The following CCNH variants were observed in gnomAD, a reference collection of about 807,000 sequenced individuals.
The protein encoded by CCNH is cyclin H.
In CCNH, 31 loss-of-function variants were observed where a neutral mutation model predicts 41.9. The ratio of observed to expected loss-of-function variants is 0.74; its 90% CI spans 0.56 to 1.00. The LOEUF is 1.00. CCNH is among the 50% of genes least tolerant of loss of function. The pLI, the probability that CCNH is intolerant of heterozygous loss-of-function variation, is 0.00. For missense variants in CCNH, 362 were observed against 388.4 expected (o/e 0.93, Z 0.57); for synonymous variants, 138 against 136.1 (o/e 1.01, Z -0.10).
At chr5:87,376,888 T>G in exon 1 of CCNH, 1 of 1,604,818 alleles carries the variant, frequency 6.2e-7, no homozygotes, top group Non-Finnish European at 8.5e-7. Flanking sequence ...TAGCTTATAC[T>G]GCAAAAGGAA....
At chr5:87,405,516 A>C (rs541055581) in intron 4 of CCNH, among the ~76,000 whole-genome samples, 1 of 152,226 alleles carries the variant, frequency 6.6e-6, no homozygotes, top group South Asian at 2.1e-4. Flanking sequence ...ATAAACTATA[A>C]ATCCTAAGTC....
chr5:87,409,172 TGTATTAGGAAG>T, intron 3 of CCNH, 107 bp downstream of exon 3: 1 of 483,260 alleles, frequency 2.1e-6, no homozygotes. Flanking sequence ...TAAATTACCC[TGTATTAGGAAG>T]TCAGTTCTCT....
upstream of CCNH, among the ~76,000 whole-genome samples, chr5:87,382,024 T>A (rs1761752351): frequency 6.6e-6 from 1 of 152,140 alleles, no homozygotes; most frequent in Non-Finnish European, 1.5e-5. Context: ...TGATTTCGGC[T>A]TACTGCAACC....
chr5:87,316,688 T>G (rs553142990), downstream of CCNH, among the ~76,000 whole-genome samples: 24 of 152,126 alleles, frequency 1.6e-4, no homozygotes, highest in Non-Finnish European at 3.2e-4. Flanking sequence ...AGCATCCCTG[T>G]TTTGGGGGAA....
Position 87,358,243 on chromosome 5 carries a change from A to G in CCNH, c.*90+34527T>C, listed in dbSNP as rs114303697. On this transcript the variant is annotated intron_variant and NMD_transcript_variant, in intron 9 of 9. Coordinates refer to the CCNH transcript ENST00000645953. Reference sequence around the variant, plus strand: ...CACTTTTTGAGGCAAGCATTAGACAAAAAGGGTCCTTTTGAGACAATATAC... The same window carrying G: ...CACTTTTTGAGGCAAGCATTAGACAGAAAGGGTCCTTTTGAGACAATATAC... 2.9e-3 allele frequency among the ~76,000 whole-genome samples: 447 copies of G among 152,314 alleles called. 1 individual carries two copies. The highest frequency in any genetic ancestry group is 0.01 in the African/African-American group (426 of 41,576).
downstream of CCNH, among the ~76,000 whole-genome samples, chr5:87,372,893 G>T (rs1374305032): frequency 6.6e-6 from 1 of 152,110 alleles, no homozygotes; most frequent in East Asian, 1.9e-4. Flanking sequence ...TTAACATACT[G>T]TTCTACTGGG....
At chr5:87,352,640 A>T (rs1340223312) in intron 9 of CCNH, among the ~76,000 whole-genome samples, 1 of 151,764 alleles carries the variant, frequency 6.6e-6, no homozygotes, top group Admixed American at 6.6e-5. Flanking sequence ...ATAATCCTAC[A>T]TGTAAGATTA....
intron 4 of CCNH, among the ~76,000 whole-genome samples, chr5:87,405,565 G>A (rs906937221): frequency 6.6e-6 from 1 of 151,972 alleles, no homozygotes; most frequent in African/African-American, 2.4e-5. Context: ...CACTAAGAAA[G>A]CTTTTCTACA....
upstream of CCNH, chr5:87,378,580 T>C (rs1225950611): frequency 6.5e-7 from 1 of 1,537,788 alleles, no homozygotes; most frequent in Admixed American, 1.7e-5. Flanking sequence ...GCAAAGAACA[T>C]ATTTTAATAG....
chr5:87,367,201 A>G (rs531749561), intron 9 of CCNH, among the ~76,000 whole-genome samples: 1 of 152,368 alleles, frequency 6.6e-6, no homozygotes, highest in Admixed American at 6.5e-5. Flanking sequence ...GGAAATGAGA[A>G]GACATCTGTA....
At chr5:87,392,219 G>T, downstream of CCNH, 1 of 455,470 alleles carries the variant, frequency 2.2e-6, no homozygotes. Flanking sequence ...GAAAGCCCTA[G>T]ATTCCAAGAG....
chr5:87,353,102 A>G, intron 9 of CCNH: 2 of 1,393,796 alleles, frequency 1.4e-6, no homozygotes, highest in South Asian at 1.2e-5. Context: ...ACATATTTTT[A>G]AAGATTTTGC....
chr5:87,376,183 C>A, downstream of CCNH: 1 of 602,794 alleles, frequency 1.7e-6, no homozygotes, highest in Non-Finnish European at 2.9e-6. Flanking sequence ...ACATCTCAAT[C>A]ATCTCTGTAC....
intron 9 of CCNH, among the ~76,000 whole-genome samples, chr5:87,361,821 TA>T (rs1337044415): frequency 6.6e-6 from 1 of 152,026 alleles, no homozygotes; most frequent in African/African-American, 2.4e-5. Flanking sequence ...GAACCTAATA[TA>T]AATATGTTGC....
At chr5:87,362,757 A>C in intron 9 of CCNH, 1 of 1,467,706 alleles carries the variant, frequency 6.8e-7, no homozygotes, top group Non-Finnish European at 9.5e-7. Flanking sequence ...ATATTTAATA[A>C]GTTTTGACAT....
chr5:87,358,762 C>G (rs966592944), intron 9 of CCNH, among the ~76,000 whole-genome samples: 9 of 152,172 alleles, frequency 5.9e-5, no homozygotes, highest in Admixed American at 1.3e-4. Context: ...TTCCTACTAT[C>G]CTCCTGCCAC....
At chr5:87,382,111 C>G (rs1423193603), upstream of CCNH, among the ~76,000 whole-genome samples, 1 of 152,120 alleles carries the variant, frequency 6.6e-6, no homozygotes. Flanking sequence ...CACCACCATA[C>G]CTGGCTATTT....
At chr5:87,380,571 C>T, upstream of CCNH, 1 of 1,612,796 alleles carries the variant, frequency 6.2e-7, no homozygotes, top group Non-Finnish European at 8.5e-7. Context: ...CCTACAAATA[C>T]CACCATGAGA....
At chr5:87,394,207 A>AGTT (rs1324988978), downstream of CCNH, 3 of 1,145,728 alleles carry the variant, frequency 2.6e-6, no homozygotes, top group African/African-American at 4.8e-5. Context: ...TAGGCAAATG[A>AGTT]GTTGCAGCTT....
Sources: gnomAD v4.1 joint callset for allele counts (sites outside exome capture counted in the v4.1 genomes callset) on GRCh38, gnomAD v4.1.1 for gene constraint, MANE v1.5 for transcripts, NCBI Gene and HGNC (gene_info 2026-07-23, HGNC 2026-07-21) for gene names.